The following KLF13 variants were observed in gnomAD, a reference collection of about 807,000 sequenced individuals.
The protein encoded by KLF13 is KLF transcription factor 13.
In KLF13, 8 loss-of-function variants were observed where a neutral mutation model predicts 16.7. The ratio of observed to expected loss-of-function variants is 0.48; its 90% CI spans 0.28 to 0.87. The LOEUF (loss-of-function observed/expected upper bound fraction) is 0.87, where lower values mean the gene tolerates loss of function less well. Ranked by LOEUF, KLF13 falls within the 40% of genes least tolerant of loss-of-function variation. The pLI, the probability that KLF13 is intolerant of heterozygous loss-of-function variation, is 0.10. For synonymous variants in KLF13, 245 were observed against 208.4 expected, an observed-to-expected ratio of 1.18 and a Z score of -1.51; for missense variants, 447 against 452.2, an observed-to-expected ratio of 0.99 and a Z score of 0.10.
chr15:31,369,772 G>A (rs961126666), intron 1 of KLF13, among the ~76,000 whole-genome samples: 35 of 152,150 alleles, frequency 2.3e-4, no homozygotes, highest in African/African-American at 7.5e-4. Context: ...TCTCATTTTA[G>A]CTGGAGTGTG....
intron 1 of KLF13, among the ~76,000 whole-genome samples, chr15:31,383,624 G>C (rs1453420036): frequency 1.1e-4 from 16 of 152,230 alleles, no homozygotes; most frequent in African/African-American, 3.1e-4. Flanking sequence ...AGATGGGCCG[G>C]GCGCGGTGGC....
At chr15:31,337,236 T>TA (rs771605786) in intron 1 of KLF13, among the ~76,000 whole-genome samples, 10 of 152,216 alleles carry the variant, frequency 6.6e-5, no homozygotes, top group African/African-American at 9.6e-5. Context: ...GCTGAGGTCT[T>TA]ACTTCCTTCT....
exon 3 of KLF13, chr15:31,404,308 C>T (rs371745348): frequency 9.2e-5 from 14 of 152,166 alleles, no homozygotes; most frequent in African/African-American, 3.1e-4. Context: ...AAGGCTACCT[C>T]TACCAGCTGG....
chr15:31,327,220 C>A lies in KLF13; in HGVS notation c.8C>A (p.Ala3Asp). 1 of 1,361,810 alleles carries A rather than the reference C, an allele frequency of 7.3e-7. No homozygotes were observed. Among genetic ancestry groups the A allele is most frequent in the Non-Finnish European group, 9.5e-7 (1 of 1,056,594 alleles). The allele number at this position is 1,361,810 out of a possible 1,614,324, so 84.4% of individuals were successfully genotyped here. ...CCGGCCCCAGCCCGCAGCATGGCAG[C>A]CGCCGCCTATGTGGACCACTTCGCC... Reference protein sequence around the residue: MAAAAYVDHFAAE... With the variant: MADAAYVDHFAAE... The change falls in exon 1 of 2, where the codon GCC becomes GAC. Residue 3 changes from alanine to aspartate, a missense_variant. Coordinates refer to ENST00000307145, the MANE Select transcript of KLF13 (RefSeq NM_015995.4).
At chr15:31,339,922 G>C (rs2038993654) in intron 1 of KLF13, 3 of 702,098 alleles carry the variant, frequency 4.3e-6, no homozygotes, top group East Asian at 5.4e-5. Context: ...GATTTCACTG[G>C]GCTTCCCTGC....
At position 31,376,978 on chromosome 15, in the gene KLF13, G is replaced by A. The variant is rs1595484168; in HGVS notation, c.*4679G>A. The stretch of plus-strand genomic sequence containing the variant: ...CACATTCCGGGGAGGGGGGTGGGGG[G>A]TGGAGGCAGGAAGTCATGGGGGTGG... On this transcript the variant is annotated 3_prime_UTR_variant, in exon 2 of 2. Transcript: ENST00000307145. 7.0e-6 allele frequency: 1 copy of A among 142,180 alleles called. No homozygotes were observed. The highest frequency in any genetic ancestry group is 2.2e-4 in the East Asian group (1 of 4,492). The allele number at this position is 142,180 out of a possible 1,614,324, so 8.8% of individuals were successfully genotyped here. A position where few individuals can be genotyped will look rare whatever the true frequency, so the allele number is the denominator to read the frequency against.
chr15:31,385,759 G>A (rs1422925946), intron 1 of KLF13, among the ~76,000 whole-genome samples: 1 of 152,064 alleles, frequency 6.6e-6, no homozygotes, highest in Non-Finnish European at 1.5e-5. Flanking sequence ...ACACAATATC[G>A]AAATTAGGCC....
chr15:31,378,140 C>T (rs570029598), downstream of KLF13, among the ~76,000 whole-genome samples: 10 of 152,294 alleles, frequency 6.6e-5, no homozygotes, highest in East Asian at 1.9e-3. Context: ...TCCCACCCCT[C>T]CGTCCATCCG....
intron 1 of KLF13, among the ~76,000 whole-genome samples, chr15:31,416,947 GTGATTAGGTTA>G (rs1236077296): frequency 1.3e-5 from 2 of 152,206 alleles, no homozygotes; most frequent in African/African-American, 4.8e-5. Context: ...CCTTTAAGAG[GTGATTAGGTTA>G]TGGAGTGCTC....
At position 31,423,085 on chromosome 15, in the gene KLF13, A is replaced by ATATACGTATATATACGTATACG. The variant is rs1159990322; in HGVS notation, n.118-12264_118-12243dup. ...TTCCAGTCATATAACAATTACATATATATACGTATATATACGTATACGTAT... is the reference window on the plus strand; with the variant it reads ...TTCCAGTCATATAACAATTACATATATATACGTATATATACGTATACGTATACGTATATATACGTATACGTAT... On this transcript the variant is annotated intron_variant and non_coding_transcript_variant, in intron 1 of 1. Coordinates refer to the KLF13 transcript ENST00000558225. 8.6e-5 allele frequency among the ~76,000 whole-genome samples: 12 copies of ATATACGTATATATACGTATACG among 140,248 alleles called. 2 individuals carry two copies. Among genetic ancestry groups the ATATACGTATATATACGTATACG allele is most frequent in the East Asian group, 2.0e-4 (1 of 4,930 alleles). 92.0% of individuals were successfully genotyped at this position (140,248 alleles called of 152,430 possible).
At chr15:31,369,923 A>G (rs1415750027) in intron 1 of KLF13, among the ~76,000 whole-genome samples, 1 of 151,996 alleles carries the variant, frequency 6.6e-6, no homozygotes, top group Non-Finnish European at 1.5e-5. Flanking sequence ...TTAAGCTGTG[A>G]GAGCTCCTGT....
chr15:31,386,015 T>C (rs1186620132), intron 1 of KLF13, among the ~76,000 whole-genome samples: 1 of 152,248 alleles, frequency 6.6e-6, no homozygotes, highest in Admixed American at 6.5e-5. Context: ...AATGGGCTTA[T>C]TGCTGATATG....
downstream of KLF13, among the ~76,000 whole-genome samples, chr15:31,380,570 G>A (rs934432237): frequency 4.6e-5 from 7 of 152,174 alleles, no homozygotes; most frequent in African/African-American, 1.7e-4. Flanking sequence ...GCCTTTTCTG[G>A]GTTGGGTTTG....
chr15:31,404,912 T>G (rs900406622), downstream of KLF13, among the ~76,000 whole-genome samples: 3 of 152,230 alleles, frequency 2.0e-5, no homozygotes, highest in East Asian at 3.9e-4. Flanking sequence ...CTCAGGGGTA[T>G]GGATGGAGAG....
chr15:31,420,241 G>A (rs1438293000), intron 1 of KLF13: 1 of 671,062 alleles, frequency 1.5e-6, no homozygotes, highest in Non-Finnish European at 2.8e-6. Context: ...TACAGCAGGA[G>A]CTGATGACCC....
chr15:31,381,856 T>C (rs780233758), downstream of KLF13, among the ~76,000 whole-genome samples: 26 of 152,248 alleles, frequency 1.7e-4, no homozygotes, highest in Non-Finnish European at 3.7e-4. Flanking sequence ...CTTGAAGACC[T>C]GCACCCCAGT....
At chr15:31,399,659 C>T (rs556640346) in intron 2 of KLF13, among the ~76,000 whole-genome samples, 4 of 152,180 alleles carry the variant, frequency 2.6e-5, no homozygotes, top group African/African-American at 4.8e-5. Context: ...TGGCTGGGTG[C>T]GGGACAAGGG....
intron 1 of KLF13, among the ~76,000 whole-genome samples, chr15:31,357,219 G>A (rs2039313571): frequency 6.6e-6 from 1 of 152,168 alleles, no homozygotes; most frequent in South Asian, 2.1e-4. Flanking sequence ...AGGCACATGC[G>A]GTTCTTGTTT....
intron 1 of KLF13, among the ~76,000 whole-genome samples, chr15:31,365,352 T>C (rs952423001): frequency 1.3e-5 from 2 of 152,220 alleles, no homozygotes; most frequent in African/African-American, 2.4e-5. Flanking sequence ...ATGGCTCATT[T>C]GCCTTTCCAG....
Sources: allele counts gnomAD v4.1 joint callset (sites outside exome capture counted in the v4.1 genomes callset), GRCh38; gene constraint gnomAD v4.1.1; transcripts MANE v1.5; gene names NCBI Gene and HGNC (gene_info 2026-07-23, HGNC 2026-07-21).